Variants in LNX1 observed in about 807,000 individuals in gnomAD.
The protein encoded by LNX1 is ligand of numb-protein X 1.
LNX1 carries 54 observed loss-of-function variants against 68.4 expected under a neutral mutation model. The ratio of observed to expected loss-of-function variants is 0.79; its 90% confidence interval spans 0.63 to 0.99. LNX1 has a LOEUF of 0.99. Among genes scored for constraint, LNX1 ranks in the 50% least tolerant of loss-of-function variants. The pLI, the probability that LNX1 is intolerant of heterozygous loss-of-function variation, is 0.00. For missense variants in LNX1, 906 were observed against 926.4 expected, an observed-to-expected ratio of 0.98 and a Z score of 0.29; for synonymous variants, 336 against 350.0, an observed-to-expected ratio of 0.96 and a Z score of 0.45.
At chr4:53,557,805 T>G in intron 2 of LNX1, 1 of 1,580,964 alleles carries the variant, frequency 6.3e-7, no homozygotes, top group Non-Finnish European at 8.7e-7. Context: ...AGCTAGGGAA[T>G]GGACTCGGGT....
At chr4:53,589,110 A>G (rs1432800229) in intron 1 of LNX1, among the ~76,000 whole-genome samples, 1 of 152,218 alleles carries the variant, frequency 6.6e-6, no homozygotes, top group East Asian at 1.9e-4. Context: ...AGCACGACTG[A>G]CAGCAAAAAG....
chr4:53,545,443 G>C (rs1329878074), intron 2 of LNX1, among the ~76,000 whole-genome samples: 4 of 152,222 alleles, frequency 2.6e-5, no homozygotes, highest in Non-Finnish European at 5.9e-5. Flanking sequence ...TGCAGTCCTG[G>C]AATCAGGATG....
chr4:53,568,534 AATATCATACTGAATGGGC>A (rs1730881633), intron 2 of LNX1, among the ~76,000 whole-genome samples: 1 of 150,870 alleles, frequency 6.6e-6, no homozygotes, highest in African/African-American at 2.5e-5. Flanking sequence ...ACCTACAGCC[AATATCATACTGAATGGGC>A]AAAAACTGGA....
intron 6 of LNX1, 80 bp downstream of exon 6, chr4:53,495,943 G>A: frequency 6.6e-7 from 1 of 1,504,654 alleles, no homozygotes; most frequent in Non-Finnish European, 9.0e-7. Context: ...GTAGTGACAG[G>A]GTGCCTGGTT....
At chr4:53,550,473 T>A (rs1305786628) in intron 2 of LNX1, among the ~76,000 whole-genome samples, 1 of 152,194 alleles carries the variant, frequency 6.6e-6, no homozygotes, top group Non-Finnish European at 1.5e-5. Flanking sequence ...TTTTCAATTT[T>A]GATAAGAAAG....
chr4:53,626,233 G>A (rs1321386331), intron 1 of LNX1, among the ~76,000 whole-genome samples: 2 of 152,194 alleles, frequency 1.3e-5, no homozygotes, highest in Non-Finnish European at 2.9e-5. Flanking sequence ...GGACTGAGCA[G>A]AGGTGGGGTG....
intron 9 of LNX1, among the ~76,000 whole-genome samples, chr4:53,467,693 T>C (rs911395266): frequency 2.0e-5 from 3 of 152,156 alleles, no homozygotes; most frequent in African/African-American, 7.2e-5. Flanking sequence ...ATGTGACGAA[T>C]GCACAAGCCT....
chr4:53,545,531 T>C (rs1289659350), intron 2 of LNX1, among the ~76,000 whole-genome samples: 8 of 152,214 alleles, frequency 5.3e-5, no homozygotes, highest in Non-Finnish European at 2.9e-5. Flanking sequence ...ATCAGTGAGA[T>C]GGGGAGCCAT....
chr4:53,519,579 A>G (rs1727053073), intron 2 of LNX1, among the ~76,000 whole-genome samples: 1 of 152,092 alleles, frequency 6.6e-6, no homozygotes, highest in Non-Finnish European at 1.5e-5. Flanking sequence ...CCAAGCTGAC[A>G]AAACATTAAA....
intron 1 of LNX1, among the ~76,000 whole-genome samples, chr4:53,633,000 G>A (rs1013302167): frequency 2.4e-4 from 37 of 152,216 alleles, no homozygotes; most frequent in African/African-American, 7.7e-4. Flanking sequence ...CATCATTAGT[G>A]TGTGAGTGGT....
At chr4:53,517,136 G>T (rs1256605913) in intron 2 of LNX1, among the ~76,000 whole-genome samples, 1 of 152,112 alleles carries the variant, frequency 6.6e-6, no homozygotes, top group African/African-American at 2.4e-5. Flanking sequence ...GTGGTTGGGG[G>T]TGTTAAAGGA....
intron 4 of LNX1, 110 bp from the exon 5 acceptor site, chr4:53,498,953 A>G (rs1725276643): frequency 1.3e-6 from 1 of 777,568 alleles, no homozygotes; most frequent in South Asian, 1.7e-5. Context: ...ATTTTTCCTC[A>G]TACATGTTTT....
intron 2 of LNX1, among the ~76,000 whole-genome samples, chr4:53,564,695 C>T (rs1250101015): frequency 6.6e-6 from 1 of 152,034 alleles, no homozygotes; most frequent in East Asian, 1.9e-4. Flanking sequence ...CTGAGCGACA[C>T]AGAAGACGGG....
chr4:53,478,888 T>C, intron 7 of LNX1, 146 bp from the exon 8 acceptor site: 1 of 757,696 alleles, frequency 1.3e-6, no homozygotes, highest in Non-Finnish European at 2.1e-6. Flanking sequence ...AATACAATGG[T>C]GGTTCTTGAA....
rs745494002 is a variant in LNX1 at position 53,507,487 on chromosome 4, G to A, written c.623-18C>T. ...GGGCCGTGCTGAGGAATAGCGACAG[G>A]AGGAACAGTAGTTATGATTTAATAG... On this transcript the variant is annotated intron_variant, in intron 3 of 10. Transcript: ENST00000263925. The A allele has an allele frequency of 1.2e-6, 2 of 1,611,536 alleles. No individual in the cohort carries two copies. Among genetic ancestry groups the A allele is most frequent in the Admixed American group, 3.3e-5 (2 of 59,948 alleles).
intron 2 of LNX1, among the ~76,000 whole-genome samples, chr4:53,533,152 GACTA>G (rs1294848103): frequency 3.9e-5 from 6 of 152,344 alleles, no homozygotes; most frequent in African/African-American, 1.4e-4. Context: ...CCTGGCCTGA[GACTA>G]ACTGAGCTTT....
intron 9 of LNX1, among the ~76,000 whole-genome samples, chr4:53,464,745 C>T (rs1216713992): frequency 2.7e-5 from 4 of 149,964 alleles, no homozygotes; most frequent in South Asian, 2.2e-4. Flanking sequence ...GACAATCTCA[C>T]GTAGAAATGT....
chr4:53,567,339 T>A (rs373215777), intron 2 of LNX1, among the ~76,000 whole-genome samples: 254 of 147,802 alleles, frequency 1.7e-3, no homozygotes, highest in Non-Finnish European at 2.8e-3. Context: ...GGATTAAGAA[T>A]CTCACTCAAA....
At chr4:53,478,767 G>T in intron 7 of LNX1, 25 bp from the exon 8 acceptor site, 1 of 1,598,646 alleles carries the variant, frequency 6.3e-7, no homozygotes, top group South Asian at 1.1e-5. Flanking sequence ...GGAAAAACAT[G>T]GCACATGAAT....
Sources: allele counts gnomAD v4.1 joint callset (sites outside exome capture counted in the v4.1 genomes callset), GRCh38; gene constraint gnomAD v4.1.1; transcripts MANE v1.5; gene names NCBI Gene and HGNC (gene_info 2026-07-23, HGNC 2026-07-21).